NRG3: variants seen among roughly 807,000 people sequenced by gnomAD.
NRG3 encodes neuregulin 3.
Under a neutral mutation model 66.9 loss-of-function variants are expected in NRG3, and 31 were observed. The observed-to-expected ratio is 0.46, with a 90% CI of 0.35 to 0.63. The LOEUF (loss-of-function observed/expected upper bound fraction) is 0.63, where lower values mean the gene tolerates loss of function less well. Ranked by LOEUF, NRG3 falls within the 20% of genes least tolerant of loss-of-function variation. The pLI is 0.00. For synonymous variants in NRG3, 393 were observed against 359.4 expected (o/e 1.09, Z -1.06); for missense variants, 910 against 878.9 (o/e 1.04, Z -0.45).
chr10:82,113,951 G>C (rs2067541103), intron 1 of NRG3, among the ~76,000 whole-genome samples: 1 of 152,014 alleles, frequency 6.6e-6, no homozygotes, highest in African/African-American at 2.4e-5. Flanking sequence ...AAACATGTAT[G>C]CTTTCTTTAA....
At chr10:82,570,768 C>T (rs1344770290) in intron 2 of NRG3, among the ~76,000 whole-genome samples, 2 of 151,700 alleles carry the variant, frequency 1.3e-5, no homozygotes, top group South Asian at 2.1e-4. Context: ...AAGAAGCTTC[C>T]GCTTCTGATC....
chr10:82,434,494 G>A (rs1296729623), intron 2 of NRG3, among the ~76,000 whole-genome samples: 1 of 152,112 alleles, frequency 6.6e-6, no homozygotes, highest in African/African-American at 2.4e-5. Context: ...TGTTGAATAG[G>A]AGTGGTGAGA....
chr10:82,362,069 A>G (rs1043745466), intron 2 of NRG3, among the ~76,000 whole-genome samples: 1 of 127,156 alleles, frequency 7.9e-6, no homozygotes, highest in Non-Finnish European at 1.6e-5. Flanking sequence ...AGAAATCCTG[A>G]AAGTACATGC....
At chr10:82,978,244 C>G (rs1852489977) in intron 7 of NRG3, among the ~76,000 whole-genome samples, 1 of 152,072 alleles carries the variant, frequency 6.6e-6, no homozygotes, top group Non-Finnish European at 1.5e-5. Flanking sequence ...TGTAGGAATT[C>G]TCAGTTTGTT....
At chr10:82,442,736 G>C (rs1012756651) in intron 2 of NRG3, among the ~76,000 whole-genome samples, 2 of 142,190 alleles carry the variant, frequency 1.4e-5, no homozygotes, top group Non-Finnish European at 3.0e-5. Flanking sequence ...AAAAAGTAAA[G>C]CCTTCAGGTG....
At chr10:82,758,901 A>T (rs1217910090) in intron 3 of NRG3, among the ~76,000 whole-genome samples, 5 of 151,882 alleles carry the variant, frequency 3.3e-5, no homozygotes, top group African/African-American at 1.2e-4. Context: ...AAAAAAAAAA[A>T]GTCCTCTGTG....
intron 2 of NRG3, among the ~76,000 whole-genome samples, chr10:82,509,433 A>C (rs1275414116): frequency 6.6e-6 from 1 of 152,178 alleles, no homozygotes; most frequent in African/African-American, 2.4e-5. Flanking sequence ...GAACCTCTTC[A>C]GTAACCACAG....
intron 2 of NRG3, among the ~76,000 whole-genome samples, chr10:82,370,729 A>G (rs2084830495): frequency 6.6e-6 from 1 of 152,056 alleles, no homozygotes; most frequent in Non-Finnish European, 1.5e-5. Context: ...TTATTTCGTT[A>G]CCTATGTACC....
intron 1 of NRG3, among the ~76,000 whole-genome samples, chr10:82,316,896 G>C (rs777715726): frequency 2.6e-5 from 4 of 152,128 alleles, no homozygotes; most frequent in Non-Finnish European, 4.4e-5. Flanking sequence ...CAGATTCCAG[G>C]CTTCTTACTC....
At chr10:82,445,178 A>G (rs1395518497) in intron 2 of NRG3, among the ~76,000 whole-genome samples, 3 of 151,842 alleles carry the variant, frequency 2.0e-5, no homozygotes, top group Non-Finnish European at 4.4e-5. Flanking sequence ...TCCCAGAATG[A>G]CATAGTTAAA....
chr10:82,918,557 A>G (rs1846107683), intron 4 of NRG3, among the ~76,000 whole-genome samples: 1 of 152,210 alleles, frequency 6.6e-6, no homozygotes, highest in African/African-American at 2.4e-5. Flanking sequence ...TGGCACTGGC[A>G]GTATGAGTAC....
At chr10:82,603,132 A>C (rs985371334) in intron 2 of NRG3, among the ~76,000 whole-genome samples, 7 of 152,128 alleles carry the variant, frequency 4.6e-5, no homozygotes, top group African/African-American at 1.7e-4. Context: ...GATTCAGTAA[A>C]TTCTGTACTA....
At chr10:81,880,791 G>T (rs1842109571) in intron 1 of NRG3, among the ~76,000 whole-genome samples, 1 of 152,142 alleles carries the variant, frequency 6.6e-6, no homozygotes, top group Admixed American at 6.5e-5. Flanking sequence ...AATTGCTTCT[G>T]AATAGAACTG....
intron 2 of NRG3, among the ~76,000 whole-genome samples, chr10:82,490,276 C>T (rs1842987503): frequency 6.6e-6 from 1 of 152,184 alleles, no homozygotes; most frequent in African/African-American, 2.4e-5. Context: ...GTTCTCCTAA[C>T]TTTTTCAGAT....
chr10:82,456,776 A>C (rs993164891), intron 2 of NRG3, among the ~76,000 whole-genome samples: 1 of 152,168 alleles, frequency 6.6e-6, no homozygotes, highest in African/African-American at 2.4e-5. Flanking sequence ...TGCCATTAGA[A>C]ACGCTGCAGC....
chr10:82,398,700 G>T (rs1266077822), intron 2 of NRG3, among the ~76,000 whole-genome samples: 1 of 152,032 alleles, frequency 6.6e-6, no homozygotes, highest in Admixed American at 6.6e-5. Flanking sequence ...AAAGGCCCAA[G>T]AAATGTGCAC....
At chr10:82,933,411 C>T (rs1050824390) in intron 4 of NRG3, among the ~76,000 whole-genome samples, 5 of 152,154 alleles carry the variant, frequency 3.3e-5, no homozygotes, top group Non-Finnish European at 5.9e-5. Context: ...CTGAGGCCTT[C>T]TTTGTCACTT....
chr10:82,842,292 T>C (rs1186282367), intron 3 of NRG3, among the ~76,000 whole-genome samples: 1 of 152,174 alleles, frequency 6.6e-6, no homozygotes. Context: ...TATGCTTGTT[T>C]TGACTTGTAT....
chr10:82,940,547 C>G (rs1010565768), intron 4 of NRG3, among the ~76,000 whole-genome samples: 8 of 152,130 alleles, frequency 5.3e-5, no homozygotes, highest in African/African-American at 1.7e-4. Flanking sequence ...TTCAAAGACC[C>G]TTTCTTAGTC....
Sources: allele counts gnomAD v4.1 joint callset (sites outside exome capture counted in the v4.1 genomes callset), GRCh38; gene constraint gnomAD v4.1.1; transcripts MANE v1.5; gene names NCBI Gene and HGNC (gene_info 2026-07-23, HGNC 2026-07-21).